The following IGF2BP2 variants were observed in gnomAD, a reference collection of about 807,000 sequenced individuals.
IGF2BP2 encodes insulin like growth factor 2 mRNA binding protein 2.
In IGF2BP2, 17 loss-of-function variants were observed where a neutral mutation model predicts 75.8. The observed-to-expected ratio is 0.22, with a 90% CI of 0.15 to 0.34. The LOEUF (loss-of-function observed/expected upper bound fraction) is 0.34. IGF2BP2 is among the 10% of genes least tolerant of loss of function. IGF2BP2 has a pLI of 1.00. For missense variants in IGF2BP2, 516 were observed against 772.4 expected (o/e 0.67, Z 3.93); for synonymous variants, 288 against 295.6 (o/e 0.97, Z 0.26).
rs544265799 is a variant in IGF2BP2 at position 185,652,129 on chromosome 3, C to T, written c.1426G>A (p.Val476Ile). 88 of 1,613,044 alleles carry T rather than the reference C, an allele frequency of 5.5e-5. No homozygotes were observed. The East Asian group carries it at 1.8e-3, about 34-fold the overall frequency. Reference sequence around the variant, plus strand: ...GCTTCCGGTGGCCCGGTGATGATGACCATCCTTTCGCTGACGTCTGGGCCT... The same window carrying T: ...GCTTCCGGTGGCCCGGTGATGATGATCATCCTTTCGCTGACGTCTGGGCCT... ...AEGPDVSERM[V>I]IITGPPEAQF... The change falls in exon 13 of 16, where the codon GTC (valine) becomes ATC (isoleucine). Residue 476 changes from valine (V) to isoleucine (I), a missense_variant. Physicochemically the swap from Val to Ile is conservative, Grantham distance 29. This residue lies in a region of IGF2BP2 where 129 missense variants were observed against 230.5 expected (regional missense o/e 0.56). Coordinates refer to ENST00000382199, the MANE Select transcript of IGF2BP2 (RefSeq NM_006548.6).
chr3:185,660,119 C>T (rs978139666), intron 10 of IGF2BP2, among the ~76,000 whole-genome samples: 2 of 152,170 alleles, frequency 1.3e-5, no homozygotes, highest in South Asian at 2.1e-4. Context: ...ACAGGCAGAA[C>T]GCTGACCTGA....
At chr3:185,687,294 GAC>G in intron 6 of IGF2BP2, 103 bp from the exon 7 acceptor site, 2 of 1,216,576 alleles carry the variant, frequency 1.6e-6, no homozygotes, top group Non-Finnish European at 2.3e-6. Context: ...GACACAGACA[GAC>G]AAGGAGGCGT....
chr3:185,646,610 T>C (rs1161253342), intron 15 of IGF2BP2, among the ~76,000 whole-genome samples: 2 of 152,146 alleles, frequency 1.3e-5, no homozygotes, highest in Admixed American at 6.5e-5. Flanking sequence ...CGTGAGCATG[T>C]AGTCTTTCAC....
chr3:185,761,348 G>A (rs746180215), intron 2 of IGF2BP2, among the ~76,000 whole-genome samples: 1 of 152,138 alleles, frequency 6.6e-6, no homozygotes, highest in Non-Finnish European at 1.5e-5. Flanking sequence ...TGATGGTCAG[G>A]GGAAATAAAC....
intron 2 of IGF2BP2, among the ~76,000 whole-genome samples, chr3:185,820,556 G>T (rs945971559): frequency 2.6e-5 from 4 of 152,038 alleles, no homozygotes; most frequent in African/African-American, 9.7e-5. Context: ...AAAAAGAAAA[G>T]AGTTTTCTAT....
Position 185,658,288 on chromosome 3 carries a change from G to T in IGF2BP2, c.1269+53C>A. ...ATTCACTGGCCACCAAGGGCCAAGT[G>T]GGCCTAGCCCCAGGAGAAGTGGCAG... On this transcript the variant is annotated intron_variant, in intron 11 of 15. Transcript: ENST00000382199. 4.6e-6 allele frequency: 7 copies of T among 1,527,400 alleles called. No homozygotes were observed. In the East Asian group the frequency reaches 1.3e-4, roughly 29 times the overall value. 94.6% of individuals were successfully genotyped at this position (1,527,400 alleles called of 1,614,324 possible). A position where few individuals can be genotyped will look rare whatever the true frequency, so the allele number is the denominator to read the frequency against.
chr3:185,730,861 TTC>T (rs1302711332), intron 2 of IGF2BP2, among the ~76,000 whole-genome samples: 2 of 152,202 alleles, frequency 1.3e-5, no homozygotes, highest in Non-Finnish European at 2.9e-5. Flanking sequence ...GGATTCCTTT[TTC>T]TCTGCATCCA....
chr3:185,655,628 T>A (rs1023057562), intron 12 of IGF2BP2, among the ~76,000 whole-genome samples: 6 of 152,196 alleles, frequency 3.9e-5, no homozygotes, highest in African/African-American at 1.2e-4. Context: ...TCTTTGCCCA[T>A]CACAGAGGCC....
intron 2 of IGF2BP2, among the ~76,000 whole-genome samples, chr3:185,798,461 GACC>G (rs1215173807): frequency 6.6e-6 from 1 of 152,128 alleles, no homozygotes; most frequent in Non-Finnish European, 1.5e-5. Flanking sequence ...GTGTTTCTAT[GACC>G]ACATGAATTT....
intron 6 of IGF2BP2, chr3:185,688,962 C>CATT (rs1721528199): frequency 5.6e-6 from 1 of 177,080 alleles, no homozygotes; most frequent in Admixed American, 5.4e-5. Flanking sequence ...TGTGAGACTA[C>CATT]CTATGTTGTC....
At chr3:185,703,604 T>C (rs989378704) in intron 2 of IGF2BP2, among the ~76,000 whole-genome samples, 5 of 151,972 alleles carry the variant, frequency 3.3e-5, no homozygotes, top group African/African-American at 1.2e-4. Context: ...ACCCTATCTC[T>C]ATCAAAAACA....
intron 2 of IGF2BP2, among the ~76,000 whole-genome samples, chr3:185,766,711 T>A (rs1051434573): frequency 3.3e-5 from 5 of 152,238 alleles, no homozygotes; most frequent in African/African-American, 4.8e-5. Context: ...TTTTTACTGA[T>A]TTCATTTAAT....
At position 185,803,193 on chromosome 3, in the gene IGF2BP2, A is replaced by G. The variant is rs2149955803; in HGVS notation, c.239+19960T>C. Among the ~76,000 whole-genome samples the G allele has an allele frequency of 2.0e-5, 3 of 152,270 alleles. No homozygotes were observed. In the Middle Eastern group the frequency reaches 0.01, roughly 518 times the overall value. On this transcript the variant is annotated intron_variant, in intron 2 of 15. Transcript: ENST00000382199. Reference sequence around the variant, plus strand: ...TGGTGAAACCCTGTCTCTAATAAAAATACAAAAAGTAGCCGGGTGTGGTGG... The same window carrying G: ...TGGTGAAACCCTGTCTCTAATAAAAGTACAAAAAGTAGCCGGGTGTGGTGG...
At chr3:185,699,196 A>AAATAAT (rs202099518) in intron 2 of IGF2BP2, among the ~76,000 whole-genome samples, 3 of 152,090 alleles carry the variant, frequency 2.0e-5, no homozygotes, top group Non-Finnish European at 2.9e-5. Context: ...CAACAAGCTA[A>AAATAAT]AATAATAATA....
chr3:185,756,822 A>C (rs1225815191), intron 2 of IGF2BP2, among the ~76,000 whole-genome samples: 2 of 152,172 alleles, frequency 1.3e-5, no homozygotes, highest in Non-Finnish European at 2.9e-5. Flanking sequence ...AATTAAAACA[A>C]AAATTAGCCA....
intron 15 of IGF2BP2, among the ~76,000 whole-genome samples, chr3:185,646,449 G>A (rs1022479919): frequency 1.3e-5 from 2 of 152,174 alleles, no homozygotes; most frequent in South Asian, 2.1e-4. Flanking sequence ...GACCAGGAAC[G>A]CTCTCCCCAA....
intron 2 of IGF2BP2, among the ~76,000 whole-genome samples, chr3:185,789,727 ATTTTTTT>A (rs10602691): frequency 2.7e-5 from 3 of 111,590 alleles, no homozygotes; most frequent in African/African-American, 7.1e-5. Flanking sequence ...ACAACCAGGA[ATTTTTTT>A]TTTTTTTTTT....
intron 12 of IGF2BP2, 25 bp from the exon 13 acceptor site, chr3:185,652,193 G>A (rs1025488903): frequency 4.3e-5 from 68 of 1,586,468 alleles, no homozygotes; most frequent in Non-Finnish European, 5.5e-5. Context: ...AGAGGAAAAC[G>A]CTGATGCTCG....
intron 2 of IGF2BP2, among the ~76,000 whole-genome samples, chr3:185,753,784 G>A (rs1335541355): frequency 1.3e-5 from 2 of 152,188 alleles, no homozygotes; most frequent in Non-Finnish European, 2.9e-5. Context: ...GATTCCCAAT[G>A]TTGGAGGTGG....
Sources: gnomAD v4.1 joint callset for allele counts (sites outside exome capture counted in the v4.1 genomes callset) on GRCh38, gnomAD v4.1.1 for gene constraint, gnomAD v4.1.1 regional missense constraint, MANE v1.5 for transcripts, NCBI Gene and HGNC (gene_info 2026-07-23, HGNC 2026-07-21) for gene names.